Variants in MYO3A observed in about 807,000 individuals in gnomAD.
MYO3A encodes the protein myosin IIIA, also known as myosin-IIIa.
Under a neutral mutation model 192.7 loss-of-function variants are expected in MYO3A, and 180 were observed. The ratio of observed to expected loss-of-function variants is 0.93; its 90% CI spans 0.83 to 1.06. MYO3A has a LOEUF of 1.06. Ranked by LOEUF, MYO3A falls within the 50% of genes least tolerant of loss-of-function variation. MYO3A has a pLI of 0.00. For synonymous variants in MYO3A, 628 were observed against 645.3 expected (o/e 0.97, Z 0.41); for missense variants, 1,896 against 1,905.0 (o/e 1.00, Z 0.09).
At chr10:26,206,735 C>A (rs181238949) in intron 34 of MYO3A, among the ~76,000 whole-genome samples, 65 of 152,336 alleles carry the variant, frequency 4.3e-4, no homozygotes, top group African/African-American at 1.5e-3. Context: ...AGGCGTGAGC[C>A]ACCGCGCCCA....
chr10:26,070,925 A>T (rs12770618), intron 14 of MYO3A, among the ~76,000 whole-genome samples: 72,112 of 151,906 alleles, frequency 0.47, 17,912 homozygotes, highest in Middle Eastern at 0.58. Context: ...AAGAGATATA[A>T]CATGATCATG....
At chr10:26,032,092 T>G (rs1842826248) in intron 10 of MYO3A, among the ~76,000 whole-genome samples, 1 of 152,222 alleles carries the variant, frequency 6.6e-6, no homozygotes, top group Admixed American at 6.5e-5. Flanking sequence ...ATTTATAGAT[T>G]GTTATATTTT....
chr10:26,122,397 G>T (rs1838926281), intron 18 of MYO3A, among the ~76,000 whole-genome samples: 3 of 152,066 alleles, frequency 2.0e-5, no homozygotes, highest in African/African-American at 4.8e-5. Context: ...AAGTTATAAG[G>T]AATTATGTCC....
chr10:25,981,287 T>A (rs1839311194), intron 4 of MYO3A, among the ~76,000 whole-genome samples: 1 of 152,052 alleles, frequency 6.6e-6, no homozygotes, highest in Non-Finnish European at 1.5e-5. Flanking sequence ...TACATCACAC[T>A]ATATACAAAA....
chr10:26,177,045 C>T (rs1842371046), intron 31 of MYO3A, among the ~76,000 whole-genome samples, 200 bp downstream of exon 31: 1 of 151,822 alleles, frequency 6.6e-6, no homozygotes, highest in African/African-American at 2.4e-5. Flanking sequence ...ACTTAATTCC[C>T]CTCCATTTAG....
At chr10:26,132,726 A>G (rs578158886) in intron 20 of MYO3A, among the ~76,000 whole-genome samples, 72 of 152,136 alleles carry the variant, frequency 4.7e-4, no homozygotes, top group Non-Finnish European at 9.0e-4. Flanking sequence ...GCTTTTACAG[A>G]CATCATTTAG....
intron 4 of MYO3A, among the ~76,000 whole-genome samples, chr10:25,992,735 T>A (rs988182236): frequency 6.6e-6 from 1 of 152,178 alleles, no homozygotes; most frequent in Admixed American, 6.5e-5. Context: ...TGAATTTTGT[T>A]GAAGGCCTTT....
chr10:26,168,539 T>C (rs1194759946), intron 27 of MYO3A, among the ~76,000 whole-genome samples, 173 bp from the exon 28 acceptor site: 1 of 152,202 alleles, frequency 6.6e-6, no homozygotes, highest in Non-Finnish European at 1.5e-5. Flanking sequence ...AGAAATGTTT[T>C]CTTCAAGCAT....
intron 26 of MYO3A, among the ~76,000 whole-genome samples, chr10:26,160,449 C>T (rs1447976459): frequency 6.6e-6 from 1 of 152,130 alleles, no homozygotes; most frequent in Non-Finnish European, 1.5e-5. Flanking sequence ...TTGAGACCAG[C>T]CTGGGCAATG....
rs1838079203 is a variant in MYO3A at position 26,110,244 on chromosome 10, A to G, written c.1777-10432A>G. Among the ~76,000 whole-genome samples the G allele has an allele frequency of 2.0e-5, 3 of 152,212 alleles. No individual in the cohort carries two copies. In the South Asian group the frequency reaches 6.2e-4, roughly 32 times the overall value. ...TCAGGCTGTCCATTCTATATCTACTACACTGCAGCTGTAATTTGGGAACTC... is the reference window on the plus strand; with the variant it reads ...TCAGGCTGTCCATTCTATATCTACTGCACTGCAGCTGTAATTTGGGAACTC... On this transcript the variant is annotated intron_variant, in intron 17 of 34. Transcript: ENST00000642920.
chr10:26,009,126 A>G (rs1841445046), intron 6 of MYO3A, among the ~76,000 whole-genome samples: 1 of 150,612 alleles, frequency 6.6e-6, no homozygotes, highest in Admixed American at 6.6e-5. Flanking sequence ...CTATTGCAAG[A>G]ACAAAAAACC....
intron 4 of MYO3A, among the ~76,000 whole-genome samples, chr10:25,996,273 T>C (rs544636750): frequency 3.3e-4 from 50 of 152,348 alleles, no homozygotes; most frequent in Middle Eastern, 3.4e-3. Context: ...AATTATCTTC[T>C]AAAAATTAAT....
chr10:25,948,460 T>A (rs535148560), intron 2 of MYO3A, among the ~76,000 whole-genome samples: 75 of 152,168 alleles, frequency 4.9e-4, no homozygotes, highest in African/African-American at 1.8e-3. Context: ...ACATATCAAA[T>A]TATGTTAAAT....
In MYO3A at chr10:26,048,500, G is replaced by A. The variant is rs538601464; in HGVS notation, c.954-18475G>A. Among the ~76,000 whole-genome samples, 15 of 152,052 alleles carry A rather than the reference G, an allele frequency of 9.9e-5. 1 individual carries two copies. Among genetic ancestry groups the A allele is most frequent in the Admixed American group, 9.8e-4 (15 of 15,278 alleles). On this transcript the variant is annotated intron_variant, in intron 10 of 34. Transcript: ENST00000642920. ...TTGAAATGGAATATTATTATTTCAT[G>A]TCTATTCCCACAAGGGGAACTTGTG...
chr10:26,138,132 C>T (rs1413210538), intron 20 of MYO3A, among the ~76,000 whole-genome samples: 1 of 152,230 alleles, frequency 6.6e-6, no homozygotes, highest in Non-Finnish European at 1.5e-5. Flanking sequence ...TGTTCTTGCA[C>T]TGCCTCCCCT....
At chr10:26,095,570 G>T (rs1021464449) in intron 15 of MYO3A, among the ~76,000 whole-genome samples, 2 of 152,162 alleles carry the variant, frequency 1.3e-5, no homozygotes, top group African/African-American at 4.8e-5. Context: ...CTGAAAGTGT[G>T]ATTTTTCCCT....
At chr10:26,029,469 A>C (rs1842710918) in intron 10 of MYO3A, among the ~76,000 whole-genome samples, 1 of 152,206 alleles carries the variant, frequency 6.6e-6, no homozygotes, top group Non-Finnish European at 1.5e-5. Context: ...CTATATTCTG[A>C]ATGAATTCTT....
chr10:26,186,990 CTTATT>C (rs1218494878), intron 31 of MYO3A, among the ~76,000 whole-genome samples: 2 of 152,098 alleles, frequency 1.3e-5, no homozygotes, highest in African/African-American at 4.8e-5. Context: ...AGCTTTATTA[CTTATT>C]TTATTTACAT....
chr10:26,203,178 AC>A, intron 34 of MYO3A, 71 bp downstream of exon 34: 1 of 1,490,142 alleles, frequency 6.7e-7, no homozygotes, highest in Admixed American at 1.7e-5. Flanking sequence ...AAGATATTTC[AC>A]TTTATATATA....
Sources: allele counts gnomAD v4.1 joint callset (sites outside exome capture counted in the v4.1 genomes callset), GRCh38; gene constraint gnomAD v4.1.1; transcripts MANE v1.5; gene names NCBI Gene and HGNC (gene_info 2026-07-23, HGNC 2026-07-21).